CREM: variants seen among roughly 807,000 people sequenced by gnomAD.
CREM encodes the protein cAMP-responsive element modulator.
Under a neutral mutation model 37.3 loss-of-function variants are expected in CREM, and 13 were observed. The observed-to-expected ratio is 0.35, with a 90% CI of 0.23 to 0.55. The LOEUF (loss-of-function observed/expected upper bound fraction) is 0.55, where lower values mean the gene tolerates loss of function less well. Ranked by LOEUF, CREM falls within the 20% of genes least tolerant of loss-of-function variation. The pLI, the probability that CREM is intolerant of heterozygous loss-of-function variation, is 0.88. For synonymous variants in CREM, 124 were observed against 120.2 expected (o/e 1.03, Z -0.21); for missense variants, 296 against 362.3 (o/e 0.82, Z 1.49).
chr10:35,198,509 C>T (rs1258624840), intron 6 of CREM, among the ~76,000 whole-genome samples: 1 of 147,398 alleles, frequency 6.8e-6, no homozygotes, highest in Non-Finnish European at 1.5e-5. Flanking sequence ...GGTGACAGAA[C>T]GAGACTCCAT....
At chr10:35,181,250 C>T (rs2094339637) in intron 5 of CREM, among the ~76,000 whole-genome samples, 1 of 152,184 alleles carries the variant, frequency 6.6e-6, no homozygotes, top group South Asian at 2.1e-4. Flanking sequence ...AAATTCACAT[C>T]TCAGGTTTTA....
In CREM at chr10:35,175,905, T is replaced by C. The variant is rs185307042; in HGVS notation, c.169-2984T>C. The C allele has an allele frequency of 3.0e-5, 46 of 1,554,676 alleles. 1 individual carries two copies. The East Asian group carries it at 1.0e-3, about 35-fold the overall frequency. On this transcript the variant is annotated intron_variant, in intron 3 of 7. Transcript: ENST00000685392. ...AGAGGCTCCCCAGCTGTAACTCTAG[T>C]GCAGTTACCTTCGGGCCAAACTATA...
Position 35,178,961 on chromosome 10 carries a change from A to C in CREM, c.241A>C (p.Ile81Leu), listed in dbSNP as rs892125898. ...AATTGATTCTCATAAACGTAGAGAA[A>C]TCCTTTCACGAAGACCCTCTTATAG... ...GVIDSHKRRE[I>L]LSRRPSYRKI... The change falls in exon 4 of 8, where the codon ATC (isoleucine) becomes CTC (leucine). Residue 81 changes from isoleucine (I) to leucine (L), a missense_variant. By Grantham distance (5) the Ile-to-Leu change is conservative (BLOSUM62 2). Around this residue, in one of 2 missense-constraint regions of CREM, gnomAD observed 257 missense variants for 280.2 expected, o/e 0.92. Transcript: ENST00000685392. 3 of 1,612,276 alleles carry C rather than the reference A, an allele frequency of 1.9e-6. No individual in the cohort carries two copies. Among genetic ancestry groups the C allele is most frequent in the Admixed American group, 1.7e-5 (1 of 59,564 alleles).
chr10:35,173,867 G>A (rs2093933669), intron 3 of CREM, among the ~76,000 whole-genome samples: 1 of 152,182 alleles, frequency 6.6e-6, no homozygotes, highest in Admixed American at 6.5e-5. Context: ...ATTTTTAAGA[G>A]TGTAAAGATG....
At chr10:35,184,115 T>C (rs1023106195) in intron 5 of CREM, among the ~76,000 whole-genome samples, 4 of 152,044 alleles carry the variant, frequency 2.6e-5, no homozygotes, top group Non-Finnish European at 2.9e-5. Flanking sequence ...GTGTATAACA[T>C]CGCCAGGCTT....
chr10:35,188,495 G>A, intron 6 of CREM, 107 bp downstream of exon 6: 1 of 916,258 alleles, frequency 1.1e-6, no homozygotes, highest in Admixed American at 3.3e-5. Context: ...TAGATGGTGG[G>A]GGGTTGGGAG....
At chr10:35,135,822 G>A (rs1044519543) in intron 1 of CREM, among the ~76,000 whole-genome samples, 13 of 151,236 alleles carry the variant, frequency 8.6e-5, no homozygotes, top group Admixed American at 5.9e-4. Context: ...TGAAAGTAAT[G>A]TCATAAAGAA....
intron 7 of CREM, chr10:35,209,462 A>T (rs1422257681): frequency 2.0e-5 from 14 of 706,440 alleles, no homozygotes; most frequent in Non-Finnish European, 2.4e-5. Context: ...CCATCTACTG[A>T]TGTGATCGGG....
intron 6 of CREM, among the ~76,000 whole-genome samples, chr10:35,202,309 C>T (rs534560456): frequency 9.2e-5 from 14 of 152,294 alleles, no homozygotes; most frequent in Admixed American, 9.2e-4. Context: ...TAAATTTCCA[C>T]TGAGTTCATA....
chr10:35,137,062 C>T (rs989233015), intron 1 of CREM, among the ~76,000 whole-genome samples: 5 of 152,188 alleles, frequency 3.3e-5, no homozygotes, highest in African/African-American at 1.2e-4. Flanking sequence ...AAACCTGCTA[C>T]CTCAGCCTCC....
intron 1 of CREM, among the ~76,000 whole-genome samples, chr10:35,136,930 C>G (rs529382284): frequency 2.0e-5 from 3 of 152,098 alleles, no homozygotes; most frequent in Admixed American, 2.0e-4. Context: ...AAGTGATTCT[C>G]CCACCTCAGC....
intron 3 of CREM, among the ~76,000 whole-genome samples, chr10:35,158,817 G>GTTT (rs1491230780): frequency 7.7e-5 from 5 of 65,046 alleles, no homozygotes; most frequent in African/African-American, 2.3e-4. Context: ...TTGTTGTTTT[G>GTTT]TTTGTTTTTT....
At position 35,148,453 on chromosome 10, in the gene CREM, A is replaced by G. The variant is rs2092334209; in HGVS notation, c.130A>G (p.Thr44Ala). 2 of 1,613,504 alleles carry G rather than the reference A, an allele frequency of 1.2e-6. No individual in the cohort carries two copies. Among genetic ancestry groups the G allele is most frequent in the Non-Finnish European group, 1.7e-6 (2 of 1,179,772 alleles). The change falls in exon 3 of 8, where the codon ACT (threonine) becomes GCT (alanine). Residue 44 changes from threonine (T) to alanine (A), a missense_variant. Thr to Ala is a moderately conservative substitution (Grantham distance 58). Transcript: ENST00000685392. Reference protein sequence around the residue: ...LTESKSAHVQTQTGQNSIPAL... With the variant: ...LTESKSAHVQAQTGQNSIPAL... ...AGAGAGCAAGTCTGCTCATGTGCAG[A>G]CTCAGACTGGCCAAAATTCAATCCC... is the stretch of plus-strand genomic sequence containing the variant.
chr10:35,189,074 T>G (rs752767560), intron 6 of CREM, among the ~76,000 whole-genome samples: 5 of 152,238 alleles, frequency 3.3e-5, no homozygotes, highest in Non-Finnish European at 7.3e-5. Context: ...AATTTAAGTA[T>G]TCAGGCTATG....
chr10:35,167,374 T>C (rs2093605592), intron 3 of CREM: 1 of 210,618 alleles, frequency 4.7e-6, no homozygotes, highest in Non-Finnish European at 9.4e-6. Context: ...GTCCTTAAAC[T>C]AGGTAGTACA....
chr10:35,169,562 T>G (rs1326649573), intron 3 of CREM, among the ~76,000 whole-genome samples: 1 of 152,208 alleles, frequency 6.6e-6, no homozygotes, highest in East Asian at 1.9e-4. Flanking sequence ...TGACTTCCTC[T>G]TTTCCTAATT....
chr10:35,152,314 A>G (rs527623019), intron 3 of CREM: 1 of 152,254 alleles, frequency 6.6e-6, no homozygotes, highest in African/African-American at 2.4e-5. Flanking sequence ...TATGAAAATC[A>G]TCAGAGACCT....
At chr10:35,143,732 C>A (rs2091740982) in intron 2 of CREM, among the ~76,000 whole-genome samples, 1 of 152,080 alleles carries the variant, frequency 6.6e-6, no homozygotes, top group African/African-American at 2.4e-5. Context: ...GACCTTGAGC[C>A]TCAGTTGAAC....
At chr10:35,132,347 T>G (rs1291954174) in intron 1 of CREM, among the ~76,000 whole-genome samples, 1 of 152,178 alleles carries the variant, frequency 6.6e-6, no homozygotes, top group Admixed American at 6.5e-5. Flanking sequence ...TGTAGTTCAT[T>G]TACTGTGAAA....
Sources: allele counts gnomAD v4.1 joint callset (sites outside exome capture counted in the v4.1 genomes callset), GRCh38; gene constraint gnomAD v4.1.1; regional missense constraint gnomAD v4.1.1; transcripts MANE v1.5; gene names NCBI Gene and HGNC (gene_info 2026-07-23, HGNC 2026-07-21).